Variants in RNF212 observed in about 807,000 individuals in gnomAD.
RNF212 encodes the protein ring finger protein 212.
In RNF212, 33 loss-of-function variants were observed where a neutral mutation model predicts 34.7. The ratio of observed to expected loss-of-function variants is 0.95; its 90% confidence interval spans 0.72 to 1.27. The LOEUF is 1.27. Ranked by LOEUF, RNF212 falls within the 50% of genes most tolerant of loss-of-function variation. RNF212 has a pLI of 0.00. For missense variants in RNF212, 377 were observed against 362.2 expected (o/e 1.04, Z -0.33); for synonymous variants, 140 against 136.1 (o/e 1.03, Z -0.20).
intron 4 of RNF212, chr4:1,057,060 G>A: frequency 2.2e-6 from 2 of 896,366 alleles, no homozygotes; most frequent in Non-Finnish European, 2.7e-6. Flanking sequence ...CTGGTGACAC[G>A]GTAGTTACAG....
Position 1,094,432 on chromosome 4 carries a change from G to T in RNF212, c.246+2333C>A, listed in dbSNP as rs531210551. Among the ~76,000 whole-genome samples, 46 of 152,330 alleles carry T rather than the reference G, an allele frequency of 3.0e-4. No individual in the cohort carries two copies. In the South Asian group the frequency reaches 9.3e-3, roughly 31 times the overall value. On this transcript the variant is annotated intron_variant, in intron 3 of 9. Coordinates refer to ENST00000433731, the MANE Select transcript of RNF212 (RefSeq NM_001131034.4). ...GGTGGGGGAGGCTTGGAGTGGAGGCGCGTGCTGACTGGGAGGAGGGTCAGG... is the reference window on the plus strand; with the variant it reads ...GGTGGGGGAGGCTTGGAGTGGAGGCTCGTGCTGACTGGGAGGAGGGTCAGG...
At chr4:1,082,254 G>A (rs192502484) in intron 5 of RNF212, among the ~76,000 whole-genome samples, 2 of 152,218 alleles carry the variant, frequency 1.3e-5, no homozygotes, top group African/African-American at 4.8e-5. Flanking sequence ...TGATCTCCAC[G>A]ATGGCCAGTA....
intron 4 of RNF212, among the ~76,000 whole-genome samples, chr4:1,089,338 G>A (rs956471983): frequency 1.3e-5 from 2 of 152,194 alleles, no homozygotes; most frequent in Non-Finnish European, 2.9e-5. Flanking sequence ...ACTTGCATGG[G>A]GCCTGCAGCC....
At chr4:1,110,455 C>T (rs761829173) in intron 1 of RNF212, among the ~76,000 whole-genome samples, 12 of 151,958 alleles carry the variant, frequency 7.9e-5, no homozygotes, top group Non-Finnish European at 1.5e-4. Flanking sequence ...CACTCCACCC[C>T]GAAGAATATA....
rs536665950 is a variant in RNF212 at position 1,078,002 on chromosome 4, C to T, written c.510+1641G>A. On this transcript the variant is annotated intron_variant, in intron 8 of 9. Transcript: ENST00000433731. ...CGTTTCTCTTTCACGGAAGCTGTGA[C>T]GGCTCTTCGTTCCCTACTGGATCCA... 1.0e-3 allele frequency among the ~76,000 whole-genome samples: 152 copies of T among 152,296 alleles called. 1 individual carries two copies. Among genetic ancestry groups the T allele is most frequent in the African/African-American group, 3.5e-3 (146 of 41,550 alleles).
At chr4:1,057,132 A>T in intron 4 of RNF212, 1 of 274,888 alleles carries the variant, frequency 3.6e-6, no homozygotes. Flanking sequence ...ACCTCGGAGC[A>T]GCACGCACAC....
intron 1 of RNF212, 78 bp from the exon 2 acceptor site, chr4:1,108,482 T>C (rs768117037): frequency 7.1e-6 from 5 of 702,844 alleles, no homozygotes; most frequent in Non-Finnish European, 1.1e-5. Flanking sequence ...CTTTACAATG[T>C]TTCTCCAAGA....
intron 3 of RNF212, chr4:1,093,520 G>A (rs1382230302): frequency 2.2e-5 from 30 of 1,391,688 alleles, no homozygotes; most frequent in Admixed American, 8.2e-5. Flanking sequence ...GGGCCACGAG[G>A]TCACTGGGCA....
chr4:1,056,968 T>C, intron 4 of RNF212: 2 of 987,906 alleles, frequency 2.0e-6, no homozygotes, highest in Non-Finnish European at 2.4e-6. Context: ...TTGGCGTTAG[T>C]GGGGGTCCCT....
downstream of RNF212, among the ~76,000 whole-genome samples, chr4:1,069,093 C>A (rs1288532835): frequency 1.3e-5 from 2 of 152,076 alleles, no homozygotes; most frequent in Admixed American, 1.3e-4. Context: ...TGCCTATAGT[C>A]CCAGCTACTT....
chr4:1,080,476 T>G (rs1303564963), intron 7 of RNF212, among the ~76,000 whole-genome samples: 1 of 152,094 alleles, frequency 6.6e-6, no homozygotes, highest in Non-Finnish European at 1.5e-5. Flanking sequence ...CACCTCCCTG[T>G]GGGAGGGTGG....
downstream of RNF212, among the ~76,000 whole-genome samples, chr4:1,069,958 G>T (rs185178151): frequency 6.6e-6 from 1 of 152,198 alleles, no homozygotes; most frequent in African/African-American, 2.4e-5. Context: ...TGTCAGCGTG[G>T]ACGCCTAGCC....
chr4:1,056,859 G>C, intron 4 of RNF212: 1 of 987,976 alleles, frequency 1.0e-6, no homozygotes, highest in Non-Finnish European at 1.2e-6. Context: ...CTCTGCAGCA[G>C]GCTGGGGATG....
chr4:1,064,145 A>G (rs1471832233), intron 3 of RNF212, among the ~76,000 whole-genome samples: 2 of 152,226 alleles, frequency 1.3e-5, no homozygotes, highest in Non-Finnish European at 2.9e-5. Flanking sequence ...TTTAAGAAAC[A>G]TAAGTTTAAT....
At chr4:1,070,482 CGTGGGTGCCTGGCCTG>C (rs1718395207), downstream of RNF212, among the ~76,000 whole-genome samples, 2 of 87,612 alleles carry the variant, frequency 2.3e-5, no homozygotes, top group Admixed American at 2.3e-4. Context: ...GCTGTGTCAG[CGTGGGTGCCTGGCCTG>C]AGTTGTGGGT....
rs1448985633 is a variant in RNF212, at chr4:1,058,247, GGTT to G, written n.220+71_220+73del. The G allele has an allele frequency of 5.6e-5, 29 of 522,316 alleles. 1 individual carries two copies. Among genetic ancestry groups the G allele is most frequent in the South Asian group, 8.1e-5 (1 of 12,286 alleles). The allele number at this position is 522,316 out of a possible 1,614,324, so 32.4% of individuals were successfully genotyped here. A position where few individuals can be genotyped will look rare whatever the true frequency, so the allele number is the denominator to read the frequency against. On this transcript the variant is annotated intron_variant and non_coding_transcript_variant, in intron 4 of 4. Transcript: ENST00000503206. ...ACGCTGTGAAGAAGGTGCTTGCGGG[GGTT>G]AGAACGCTGTGAAGAAGGTGCTTGC...
chr4:1,095,934 T>A (rs1355746430), intron 3 of RNF212, among the ~76,000 whole-genome samples: 1 of 72,906 alleles, frequency 1.4e-5, no homozygotes, highest in Admixed American at 1.2e-4. Context: ...CTCCCACAGC[T>A]CCATGGTCTC....
chr4:1,079,023 G>A (rs182309573), intron 8 of RNF212, among the ~76,000 whole-genome samples: 2,988 of 139,634 alleles, frequency 0.021, 438 homozygotes, highest in African/African-American at 0.089. Flanking sequence ...GGTCAACACA[G>A]GACCAACATG....
At chr4:1,104,901 C>G (rs1016839647) in intron 2 of RNF212, among the ~76,000 whole-genome samples, 2 of 152,198 alleles carry the variant, frequency 1.3e-5, no homozygotes, top group Non-Finnish European at 2.9e-5. Flanking sequence ...AGGAAGAACA[C>G]AGGTGCACGT....
Sources: allele counts gnomAD v4.1 joint callset (sites outside exome capture counted in the v4.1 genomes callset), GRCh38; gene constraint gnomAD v4.1.1; transcripts MANE v1.5; gene names NCBI Gene and HGNC (gene_info 2026-07-23, HGNC 2026-07-21).